Variants in TMEM198 observed in about 807,000 individuals in gnomAD.
The protein encoded by TMEM198 is transmembrane protein 198.
TMEM198 carries 21 observed loss-of-function variants against 31.5 expected under a neutral mutation model. That is an observed-to-expected ratio of 0.67 (90% CI 0.47 to 0.96). The LOEUF (loss-of-function observed/expected upper bound fraction) is 0.96. Ranked by LOEUF, TMEM198 falls within the 40% of genes least tolerant of loss-of-function variation. The probability of loss-of-function intolerance (pLI) is 0.00; values close to 1 mark genes in which losing one functional copy is unlikely to be tolerated. For missense variants in TMEM198, 447 were observed against 499.4 expected, an observed-to-expected ratio of 0.89 and a Z score of 1.00; for synonymous variants, 211 against 223.3, an observed-to-expected ratio of 0.95 and a Z score of 0.49.
Position 219,549,164 on chromosome 2 carries a change from G to A in TMEM198, c.755G>A (p.Arg252Gln), listed in dbSNP as rs770582661. The A allele has an allele frequency of 5.6e-6, 9 of 1,613,790 alleles. No homozygotes were observed. Among genetic ancestry groups the A allele is most frequent in the South Asian group, 1.1e-5 (1 of 91,080 alleles). Residue 252 changes from arginine to glutamine, a missense_variant, in exon 4 of 5, where the codon CGG becomes CAG. Arg to Gln is a conservative substitution (Grantham distance 43, BLOSUM62 1). Transcript: ENST00000373883. Reference protein sequence around the residue: ...GDSHTEVVISRQRRRVQLMRI... With the variant: ...GDSHTEVVISQQRRRVQLMRI... ...CATCCCACCACAGTGGTCATCAGCC[G>A]GCAGCGCCGACGCGTGCAACTGATG... is the stretch of plus-strand genomic sequence containing the variant.
At chr2:219,549,088 G>A (rs1483713562) in intron 3 of TMEM198, 64 bp from the exon 4 acceptor site, 1 of 1,584,288 alleles carries the variant, frequency 6.3e-7, no homozygotes, top group African/African-American at 1.3e-5. Flanking sequence ...GATGAGAGAG[G>A]GAGGGCTCAA....
chr2:219,545,030 A>G (rs1233237036), intron 2 of TMEM198, 137 bp downstream of exon 2: 1 of 1,161,998 alleles, frequency 8.6e-7, no homozygotes, highest in African/African-American at 1.6e-5. Context: ...ACATTTATAG[A>G]TTGTCTAGAC....
chr2:219,546,484 CCTCT>C (rs764351754), intron 2 of TMEM198, among the ~76,000 whole-genome samples: 2 of 152,144 alleles, frequency 1.3e-5, no homozygotes, highest in African/African-American at 2.4e-5. Context: ...CCTGGTTACT[CCTCT>C]CTAATTCCCA....
At chr2:219,543,783 G>T (rs971504891), upstream of TMEM198, 4 of 456,000 alleles carry the variant, frequency 8.8e-6, no homozygotes, top group African/African-American at 6.2e-5. Context: ...CCTCAGCCGC[G>T]GCCGCAGCTG....
intron 2 of TMEM198, among the ~76,000 whole-genome samples, chr2:219,546,654 A>G (rs1695393188): frequency 6.6e-6 from 1 of 151,444 alleles, no homozygotes; most frequent in South Asian, 2.1e-4. Flanking sequence ...TTCTGGGACA[A>G]CTCCCCAGTA....
chr2:219,548,158 G>A, intron 3 of TMEM198, 77 bp downstream of exon 3: 1 of 1,322,522 alleles, frequency 7.6e-7, no homozygotes, highest in Non-Finnish European at 1.0e-6. Flanking sequence ...TGACTGGGGA[G>A]TGGGGGACAG....
intron 2 of TMEM198, among the ~76,000 whole-genome samples, chr2:219,545,867 C>T (rs1695378152): frequency 6.6e-6 from 1 of 151,980 alleles, no homozygotes; most frequent in South Asian, 2.1e-4. Context: ...GCCAGATGGT[C>T]CCTCCCATTC....
intron 3 of TMEM198, among the ~76,000 whole-genome samples, chr2:219,548,285 C>T (rs745745637): frequency 6.6e-6 from 1 of 152,222 alleles, no homozygotes; most frequent in African/African-American, 2.4e-5. Flanking sequence ...CGCACCAACC[C>T]CATTCCAGGC....
Position 219,550,139 on chromosome 2 carries a change from G to A in TMEM198, c.*285G>A, listed in dbSNP as rs1695527060. Reference sequence around the variant, plus strand: ...TGTGTCTGTGTGTATGTGTGTGGGGGTGGGCAGGCTTGGAGGGGACGCTGG... The same window carrying A: ...TGTGTCTGTGTGTATGTGTGTGGGGATGGGCAGGCTTGGAGGGGACGCTGG... On this transcript the variant is annotated 3_prime_UTR_variant, in exon 5 of 5. Transcript: ENST00000373883. 8.4e-6 allele frequency: 3 copies of A among 357,024 alleles called. No individual in the cohort carries two copies. In the East Asian group the frequency reaches 1.4e-4, roughly 16 times the overall value. The allele number at this position is 357,024 out of a possible 1,614,324, so 22.1% of individuals were successfully genotyped here. A position where few individuals can be genotyped will look rare whatever the true frequency, so the allele number is the denominator to read the frequency against.
rs1229758159 is a variant in TMEM198 at position 219,544,264 on chromosome 2, G to A, written c.-153G>A. ...GGCCCAGCAGCCCCCTTCCTCGCAC[G>A]ACGGACTTTCCCTGGACCCCAGTCA... On this transcript the variant is annotated 5_prime_UTR_variant, in exon 1 of 5. Transcript: ENST00000373883. 1 of 468,726 alleles carries A rather than the reference G, an allele frequency of 2.1e-6. No homozygotes were observed. The highest frequency in any genetic ancestry group is 2.3e-5 in the Admixed American group (1 of 42,612). The allele number at this position is 468,726 out of a possible 1,614,324, so 29.0% of individuals were successfully genotyped here. A position where few individuals can be genotyped will look rare whatever the true frequency, so the allele number is the denominator to read the frequency against.
chr2:219,545,710 A>C (rs1695375310), intron 2 of TMEM198, among the ~76,000 whole-genome samples: 2 of 152,314 alleles, frequency 1.3e-5, no homozygotes, highest in Admixed American at 1.3e-4. Flanking sequence ...CTGGGGGCCC[A>C]AAGAAAGCCT....
chr2:219,546,920 A>T (rs907523994), intron 2 of TMEM198, among the ~76,000 whole-genome samples: 1 of 151,960 alleles, frequency 6.6e-6, no homozygotes, highest in Non-Finnish European at 1.5e-5. Flanking sequence ...CTGGGATTAC[A>T]GGTGCGTGCC....
chr2:219,548,574 C>T (rs966024932), intron 3 of TMEM198, among the ~76,000 whole-genome samples: 1 of 152,102 alleles, frequency 6.6e-6, no homozygotes, highest in Non-Finnish European at 1.5e-5. Flanking sequence ...ACAGCAAGGG[C>T]GAGGGCCCTG....
chr2:219,550,112 C>A lies in TMEM198; in HGVS notation c.*258C>A. ...TGCTCAGGGTTGTGAGTGTGTTGCCCGTGTGTCTGTGTGTATGTGTGTGGG... is the reference window on the plus strand; with the variant it reads ...TGCTCAGGGTTGTGAGTGTGTTGCCAGTGTGTCTGTGTGTATGTGTGTGGG... On this transcript the variant is annotated 3_prime_UTR_variant, in exon 5 of 5. Coordinates refer to ENST00000373883, the MANE Select transcript of TMEM198 (RefSeq NM_001005209.3). 2.2e-6 allele frequency: 1 copy of A among 459,826 alleles called. No individual in the cohort carries two copies. The highest frequency in any genetic ancestry group is 3.9e-6 in the Non-Finnish European group (1 of 257,388). 28.5% of individuals were successfully genotyped at this position (459,826 alleles called of 1,614,324 possible).
In TMEM198 at chr2:219,550,499, T is replaced by A. The variant is rs1695543377; in HGVS notation, c.*645T>A. On this transcript the variant is annotated 3_prime_UTR_variant, in exon 5 of 5. Coordinates refer to ENST00000373883, the MANE Select transcript of TMEM198 (RefSeq NM_001005209.3). ...ATGCACGGTGCATGTCTGGTGTCTG[T>A]CATGCCAACCTAGACACCTCATGCT... is the stretch of plus-strand genomic sequence containing the variant. 2.8e-6 allele frequency: 1 copy of A among 355,330 alleles called. No individual in the cohort carries two copies. The highest frequency in any genetic ancestry group is 5.2e-6 in the Non-Finnish European group (1 of 190,480). 22.0% of individuals were successfully genotyped at this position (355,330 alleles called of 1,614,324 possible).
chr2:219,548,609 G>A (rs1559127675), intron 3 of TMEM198, among the ~76,000 whole-genome samples: 3 of 152,218 alleles, frequency 2.0e-5, no homozygotes, highest in Admixed American at 1.3e-4. Context: ...CAGCTTGCTT[G>A]AGGAAGTGGG....
intron 2 of TMEM198, among the ~76,000 whole-genome samples, chr2:219,546,988 C>G (rs535639896): frequency 6.6e-6 from 1 of 152,196 alleles, no homozygotes; most frequent in Admixed American, 6.5e-5. Flanking sequence ...CCGCGTTGGT[C>G]AGGCTGGTCT....
rs922537378 is a variant in TMEM198, at chr2:219,549,773, G to A, written c.1002G>A (p.Met334Ile). ...CCGGGAGCTCCCTGAGCTCCTTCAT[G>A]GCCTCACCCACAGATGCGGACTATG... Reference protein sequence around the residue: ...RQTGSSLSSFMASPTDADYEY... With the variant: ...RQTGSSLSSFIASPTDADYEY... Residue 334 changes from methionine (M) to isoleucine (I), a missense_variant, in exon 5 of 5, where the codon ATG (methionine) becomes ATA (isoleucine). Met to Ile is a conservative substitution (Grantham distance 10). Coordinates refer to ENST00000373883, the MANE Select transcript of TMEM198 (RefSeq NM_001005209.3). 8 of 1,614,096 alleles carry A rather than the reference G, an allele frequency of 5.0e-6. No homozygotes were observed. The highest frequency in any genetic ancestry group is 4.5e-5 in the East Asian group (2 of 44,880).
At chr2:219,548,975 C>T (rs1286646610) in intron 3 of TMEM198, 177 bp from the exon 4 acceptor site, 6 of 645,776 alleles carry the variant, frequency 9.3e-6, no homozygotes, top group African/African-American at 1.8e-5. Flanking sequence ...AGAACAACAG[C>T]GGGAAGTCTC....
Sources: allele counts gnomAD v4.1 joint callset (sites outside exome capture counted in the v4.1 genomes callset), GRCh38; gene constraint gnomAD v4.1.1; transcripts MANE v1.5; gene names NCBI Gene and HGNC (gene_info 2026-07-23, HGNC 2026-07-21).